The following NOX4 variants were observed in gnomAD, a reference collection of about 807,000 sequenced individuals.
NOX4 encodes the protein kidney oxidase-1.
In NOX4, 69 loss-of-function variants were observed where a neutral mutation model predicts 87.6. That is an observed-to-expected ratio of 0.79 (90% CI 0.65 to 0.96). The LOEUF (loss-of-function observed/expected upper bound fraction) is 0.96, where lower values mean the gene tolerates loss of function less well. NOX4 is among the 40% of genes least tolerant of loss of function. The probability of loss-of-function intolerance (pLI) is 0.00; values close to 1 mark genes in which losing one functional copy is unlikely to be tolerated. For synonymous variants in NOX4, 275 were observed against 238.2 expected (o/e 1.15, Z -1.42); for missense variants, 680 against 681.5 (o/e 1.00, Z 0.02).
chr11:89,571,832 C>T, the NOX4 span, among the ~76,000 whole-genome samples: 1 of 152,152 alleles, frequency 6.6e-6, no homozygotes, highest in African/African-American at 2.4e-5. Context: ...CATACCTCCC[C>T]CACAGGGAAT....
intron 11 of NOX4, among the ~76,000 whole-genome samples, chr11:89,374,671 T>A (rs1217458909): frequency 6.6e-6 from 1 of 152,146 alleles, no homozygotes; most frequent in Non-Finnish European, 1.5e-5. Flanking sequence ...ACTGTCTCTA[T>A]TAAAGTAAAG....
At chr11:89,544,036 GA>G in the NOX4 span, among the ~76,000 whole-genome samples, 2 of 151,912 alleles carry the variant, frequency 1.3e-5, no homozygotes, top group Non-Finnish European at 2.9e-5. Context: ...ATATTATTCT[GA>G]AAAAATAGAA....
chr11:89,493,574 T>C (rs1279361334), upstream of NOX4, among the ~76,000 whole-genome samples: 1 of 151,988 alleles, frequency 6.6e-6, no homozygotes, highest in Non-Finnish European at 1.5e-5. Context: ...TTCATAACTC[T>C]GTAAGAGGGG....
At chr11:89,579,477 A>G in the NOX4 span, among the ~76,000 whole-genome samples, 398 of 152,296 alleles carry the variant, frequency 2.6e-3, 3 homozygotes, top group African/African-American at 9.1e-3. Context: ...CTTTAAAAAA[A>G]AAAGTCTATT....
the NOX4 span, among the ~76,000 whole-genome samples, chr11:89,581,063 G>T: frequency 6.6e-6 from 1 of 152,208 alleles, no homozygotes; most frequent in Non-Finnish European, 1.5e-5. Context: ...AATAAATTGT[G>T]TCTGAGGGTT....
chr11:89,535,280 T>C, the NOX4 span, among the ~76,000 whole-genome samples: 7 of 152,246 alleles, frequency 4.6e-5, no homozygotes, highest in African/African-American at 7.2e-5. Context: ...TTCTTAAATA[T>C]AATTTTAACT....
chr11:89,456,516 G>C (rs1945206736), intron 2 of NOX4, among the ~76,000 whole-genome samples: 1 of 152,146 alleles, frequency 6.6e-6, no homozygotes, highest in Non-Finnish European at 1.5e-5. Context: ...AAAGCATTGA[G>C]AGTGGATGCA....
At chr11:89,425,829 T>C (rs1943367275) in intron 7 of NOX4, among the ~76,000 whole-genome samples, 1 of 152,166 alleles carries the variant, frequency 6.6e-6, no homozygotes, top group East Asian at 1.9e-4. Flanking sequence ...TTTAAGTATA[T>C]TATTTGGCAA....
At chr11:89,340,607 C>T (rs12807316) in intron 14 of NOX4, among the ~76,000 whole-genome samples, 4 of 152,118 alleles carry the variant, frequency 2.6e-5, no homozygotes, top group Admixed American at 2.6e-4. Context: ...CTTGCCCTGG[C>T]TTTTTGGCAA....
chr11:89,396,583 GC>G (rs758937601), intron 11 of NOX4, among the ~76,000 whole-genome samples: 16 of 152,046 alleles, frequency 1.1e-4, no homozygotes, highest in Non-Finnish European at 2.2e-4. Context: ...CATCTCACGT[GC>G]AGAGATGCAC....
chr11:89,582,999 A>T, the NOX4 span, among the ~76,000 whole-genome samples: 1 of 152,216 alleles, frequency 6.6e-6, no homozygotes, highest in South Asian at 2.1e-4. Flanking sequence ...ACATACAAGC[A>T]ACTTCAAAAA....
chr11:89,365,656 A>G (rs1361370910), intron 12 of NOX4, among the ~76,000 whole-genome samples: 1 of 150,006 alleles, frequency 6.7e-6, no homozygotes, highest in African/African-American at 2.5e-5. Context: ...TCAGCTCCAT[A>G]CTAATTCAGT....
At chr11:89,464,432 C>T (rs922603769) in intron 2 of NOX4, among the ~76,000 whole-genome samples, 1 of 152,062 alleles carries the variant, frequency 6.6e-6, no homozygotes, top group African/African-American at 2.4e-5. Flanking sequence ...AAAATGGAGA[C>T]GGACCCATTT....
chr11:89,390,787 T>C (rs1941067715), intron 11 of NOX4, among the ~76,000 whole-genome samples: 1 of 152,202 alleles, frequency 6.6e-6, no homozygotes, highest in Non-Finnish European at 1.5e-5. Context: ...TGGTGGTTCT[T>C]TCTAAAGACC....
intron 2 of NOX4, among the ~76,000 whole-genome samples, chr11:89,463,426 A>G (rs115310785): frequency 0.015 from 2,299 of 152,132 alleles, 65 homozygotes; most frequent in African/African-American, 0.052. Context: ...GTATACAAAT[A>G]TAACAAGAGA....
At chr11:89,524,500 C>T in the NOX4 span, among the ~76,000 whole-genome samples, 2 of 152,004 alleles carry the variant, frequency 1.3e-5, no homozygotes, top group Admixed American at 6.6e-5. Flanking sequence ...TTTTCTCTGG[C>T]TTTCAAACCA....
At chr11:89,507,522 C>T in the NOX4 span, among the ~76,000 whole-genome samples, 1 of 151,000 alleles carries the variant, frequency 6.6e-6, no homozygotes, top group Admixed American at 6.6e-5. Context: ...ATATATATTG[C>T]AATATATACA....
chr11:89,435,314 C>G (rs1309591808), intron 6 of NOX4, among the ~76,000 whole-genome samples: 1 of 151,966 alleles, frequency 6.6e-6, no homozygotes, highest in East Asian at 1.9e-4. Context: ...TAGTGTTCTT[C>G]TATGTCTGCA....
intron 9 of NOX4, among the ~76,000 whole-genome samples, chr11:89,401,694 C>T (rs1311196890): frequency 6.6e-6 from 1 of 152,028 alleles, no homozygotes; most frequent in African/African-American, 2.4e-5. Context: ...AGTCAAAGAC[C>T]TGGGTTTACA....
Sources: gnomAD v4.1 joint callset for allele counts (sites outside exome capture counted in the v4.1 genomes callset) on GRCh38, gnomAD v4.1.1 for gene constraint, MANE v1.5 for transcripts, NCBI Gene and HGNC (gene_info 2026-07-23, HGNC 2026-07-21) for gene names.